Variants in GATAD2B observed in about 807,000 individuals in gnomAD.
GATAD2B encodes the protein GATA zinc finger domain containing 2B.
GATAD2B carries 8 observed loss-of-function variants against 64.3 expected under a neutral mutation model. The observed-to-expected ratio is 0.12, with a 90% CI of 0.07 to 0.22. GATAD2B has a LOEUF of 0.22. Among genes scored for constraint, GATAD2B ranks in the 10% least tolerant of loss-of-function variants. The pLI, the probability that GATAD2B is intolerant of heterozygous loss-of-function variation, is 1.00. For missense variants in GATAD2B, 453 were observed against 752.0 expected (o/e 0.60, Z 4.65); for synonymous variants, 281 against 271.3 (o/e 1.04, Z -0.35).
At chr1:153,837,625 T>C (rs572418053) in intron 1 of GATAD2B, among the ~76,000 whole-genome samples, 1 of 152,258 alleles carries the variant, frequency 6.6e-6, no homozygotes, top group South Asian at 2.1e-4. Context: ...AAATCCAACA[T>C]AACTGATTAC....
At chr1:153,920,910 T>C (rs1451372434) in intron 1 of GATAD2B, among the ~76,000 whole-genome samples, 1 of 152,148 alleles carries the variant, frequency 6.6e-6, no homozygotes, top group Non-Finnish European at 1.5e-5. Flanking sequence ...ATAAGCTATC[T>C]GCTTATATGA....
chr1:153,835,171 G>T (rs1253686660), intron 1 of GATAD2B, among the ~76,000 whole-genome samples: 1 of 152,074 alleles, frequency 6.6e-6, no homozygotes, highest in Non-Finnish European at 1.5e-5. Flanking sequence ...TCTTATGGAT[G>T]AGCAAAGAAA....
chr1:153,908,782 G>GGAAAAAAA (rs1553199455), intron 1 of GATAD2B, among the ~76,000 whole-genome samples: 2 of 31,872 alleles, frequency 6.3e-5, no homozygotes, highest in Non-Finnish European at 6.5e-5. Context: ...AACATACTTG[G>GGAAAAAAA]AAAAAAAAAA....
intron 2 of GATAD2B, among the ~76,000 whole-genome samples, chr1:153,825,487 G>A (rs377461826): frequency 2.6e-5 from 4 of 151,682 alleles, no homozygotes; most frequent in East Asian, 2.0e-4. Context: ...GCAGTGGCAC[G>A]ATCTCAGCTC....
chr1:153,810,260 T>C lies in GATAD2B; in HGVS notation c.1699A>G (p.Ser567Gly). Residue 567 changes from serine to glycine, a missense_variant, in exon 11 of 11, where the codon AGT becomes GGT. Physicochemically the swap from Ser to Gly is moderately conservative, Grantham distance 56 (BLOSUM62 0). Coordinates refer to ENST00000368655, the MANE Select transcript of GATAD2B (RefSeq NM_020699.4). ...NTGIGGHKGP[S>G]LADRQREYLL... is the part of the protein sequence containing the mutation. Reference sequence around the variant, plus strand: ...TATTCACGCTGTCGGTCTGCCAAACTGGGGCCTTTGTGTCCTCCGATGCCA... The same window carrying C: ...TATTCACGCTGTCGGTCTGCCAAACCGGGGCCTTTGTGTCCTCCGATGCCA... 9 of 1,613,334 alleles carry C rather than the reference T, an allele frequency of 5.6e-6. No individual in the cohort carries two copies. Among genetic ancestry groups the C allele is most frequent in the Non-Finnish European group, 7.6e-6 (9 of 1,179,760 alleles).
In GATAD2B at chr1:153,808,348, G is replaced by A. The variant is rs1336787085; in HGVS notation, c.*1829C>T. 3 of 152,618 alleles carry A rather than the reference G, an allele frequency of 2.0e-5. No individual in the cohort carries two copies. Among genetic ancestry groups the A allele is most frequent in the Non-Finnish European group, 4.4e-5 (3 of 68,038 alleles). 9.5% of individuals were successfully genotyped at this position (152,618 alleles called of 1,614,324 possible). On this transcript the variant is annotated 3_prime_UTR_variant, in exon 11 of 11. Coordinates refer to ENST00000368655, the MANE Select transcript of GATAD2B (RefSeq NM_020699.4). The stretch of plus-strand genomic sequence containing the variant: ...AGTATAGTCACCCACAGTGGCACTG[G>A]GGTGTGGGGAGTAGAGGCCAGAGTA...
intron 1 of GATAD2B, among the ~76,000 whole-genome samples, chr1:153,907,750 T>G (rs1677992953): frequency 6.6e-6 from 1 of 152,018 alleles, no homozygotes; most frequent in Admixed American, 6.6e-5. Flanking sequence ...GCAATTCTCC[T>G]GTCTCAGCCT....
chr1:153,884,431 A>G (rs1312670144), intron 1 of GATAD2B, among the ~76,000 whole-genome samples: 1 of 149,550 alleles, frequency 6.7e-6, no homozygotes, highest in Non-Finnish European at 1.5e-5. Flanking sequence ...CGACAGAGCG[A>G]GACTCCACCT....
chr1:153,911,865 ATC>A (rs1439523372), intron 1 of GATAD2B, among the ~76,000 whole-genome samples: 1 of 152,226 alleles, frequency 6.6e-6, no homozygotes. Context: ...CCATAACAGT[ATC>A]CTTTATTCAT....
At chr1:153,854,373 A>G (rs1158237277) in intron 1 of GATAD2B, among the ~76,000 whole-genome samples, 1 of 152,156 alleles carries the variant, frequency 6.6e-6, no homozygotes, top group African/African-American at 2.4e-5. Context: ...ACTGCACTCC[A>G]GCCTGGGCGA....
chr1:153,887,493 T>C (rs1020234621), intron 1 of GATAD2B, among the ~76,000 whole-genome samples: 1 of 152,210 alleles, frequency 6.6e-6, no homozygotes, highest in Non-Finnish European at 1.5e-5. Context: ...TACACTACCT[T>C]ATAATGCAGA....
At chr1:153,818,656 C>G in intron 4 of GATAD2B, 135 bp downstream of exon 4, 2 of 709,624 alleles carry the variant, frequency 2.8e-6, no homozygotes, top group South Asian at 4.2e-5. Context: ...AAAAAAAAAT[C>G]ACTACTACTA....
intron 1 of GATAD2B, among the ~76,000 whole-genome samples, chr1:153,909,539 T>C (rs1000530144): frequency 1.1e-4 from 17 of 151,708 alleles, no homozygotes; most frequent in East Asian, 4.0e-4. Context: ...CGATGGCTCA[T>C]GCCTGTAATC....
rs1470571637 is a variant in GATAD2B at position 153,913,115 on chromosome 1, AC to A, written c.-2+9617del. Among the ~76,000 whole-genome samples the A allele has an allele frequency of 5.0e-4, 76 of 151,224 alleles. 1 individual carries two copies. Among genetic ancestry groups the A allele is most frequent in the Middle Eastern group, 3.4e-3 (1 of 292 alleles). On this transcript the variant is annotated intron_variant, in intron 1 of 10. Coordinates refer to ENST00000368655, the MANE Select transcript of GATAD2B (RefSeq NM_020699.4). Reference sequence around the variant, plus strand: ...AAAAAAAATTGTATTTTTAGTAGAGACAGGGTTTCACCACGCTGGCCAGGCT... The same window carrying A: ...AAAAAAAATTGTATTTTTAGTAGAGAAGGGTTTCACCACGCTGGCCAGGCT...
intron 1 of GATAD2B, among the ~76,000 whole-genome samples, chr1:153,874,601 G>A (rs868350773): frequency 6.6e-6 from 1 of 152,022 alleles, no homozygotes; most frequent in South Asian, 2.1e-4. Context: ...TTTTGAGACG[G>A]AGTTTCCCTC....
intron 1 of GATAD2B, among the ~76,000 whole-genome samples, chr1:153,838,815 A>G (rs1431632903): frequency 1.3e-5 from 2 of 152,186 alleles, no homozygotes; most frequent in South Asian, 4.1e-4. Context: ...AAAGCAGTAT[A>G]TAAGAAGGCA....
At chr1:153,821,578 T>C (rs1216312150) in intron 2 of GATAD2B, among the ~76,000 whole-genome samples, 1 of 151,972 alleles carries the variant, frequency 6.6e-6, no homozygotes, top group Non-Finnish European at 1.5e-5. Context: ...TCTGCATTCT[T>C]TTTTTTGAGA....
chr1:153,888,571 C>A (rs1677255746), intron 1 of GATAD2B, among the ~76,000 whole-genome samples: 1 of 152,200 alleles, frequency 6.6e-6, no homozygotes. Context: ...AGGCAAGTCA[C>A]AAATGTTCAT....
At chr1:153,853,005 C>T (rs938196724) in intron 1 of GATAD2B, 2 of 1,190,158 alleles carry the variant, frequency 1.7e-6, no homozygotes, top group African/African-American at 3.0e-5. Flanking sequence ...CCCCTTTGGT[C>T]TTGTCCATCA....
Sources: gnomAD v4.1 joint callset for allele counts (sites outside exome capture counted in the v4.1 genomes callset) on GRCh38, gnomAD v4.1.1 for gene constraint, MANE v1.5 for transcripts, NCBI Gene and HGNC (gene_info 2026-07-23, HGNC 2026-07-21) for gene names.